The following SLX4 variants were observed in gnomAD, a reference collection of about 807,000 sequenced individuals.
SLX4 encodes the protein SLX4 structure-specific endonuclease subunit, also known as structure-specific endonuclease subunit SLX4.
A neutral mutation model predicts 146.2 loss-of-function variants in SLX4; 112 were observed. The ratio of observed to expected loss-of-function variants is 0.77; its 90% confidence interval spans 0.66 to 0.90. SLX4 has a LOEUF of 0.90. Ranked by LOEUF, SLX4 falls within the 40% of genes least tolerant of loss-of-function variation. The pLI, the probability that SLX4 is intolerant of heterozygous loss-of-function variation, is 0.00. For synonymous variants in SLX4, 1,061 were observed against 997.7 expected (o/e 1.06, Z -1.20); for missense variants, 2,563 against 2,392.7 (o/e 1.07, Z -1.49).
At chr16:3,584,714 T>C in intron 13 of SLX4, 55 bp downstream of exon 13, 1 of 1,364,562 alleles carries the variant, frequency 7.3e-7, no homozygotes, top group South Asian at 1.2e-5. Context: ...TGAAACCCAG[T>C]TACTTATGGG....
chr16:3,595,742 C>A (rs765077410), intron 8 of SLX4, 49 bp from the exon 9 acceptor site: 37 of 1,599,956 alleles, frequency 2.3e-5, no homozygotes, highest in Non-Finnish European at 3.1e-5. Flanking sequence ...CCAGCCACAT[C>A]CACCACCAAG....
At position 3,583,107 on chromosome 16, in the gene SLX4, T is replaced by C. The variant is rs2151116429; in HGVS notation, c.5143A>G (p.Ser1715Gly). 3 of 1,614,238 alleles carry C rather than the reference T, an allele frequency of 1.9e-6. No individual in the cohort carries two copies. Among genetic ancestry groups the C allele is most frequent in the African/African-American group, 1.3e-5 (1 of 75,056 alleles). Residue 1715 changes from serine (S) to glycine (G), a missense_variant, in exon 14 of 15, where the codon AGC becomes GGC. Transcript: ENST00000294008. ...CATCCATCCGGTTACCTCTGTGAGC[T>C]CAAGGAGCTGTCACTGCCATCCACA... is the stretch of plus-strand genomic sequence containing the variant. ...TSVDGSDSSLSSQSSSSCEFG... is the reference protein window; with the variant it reads ...TSVDGSDSSLGSQSSSSCEFG...
intron 5 of SLX4, among the ~76,000 whole-genome samples, chr16:3,598,745 T>C (rs2040695194): frequency 6.6e-6 from 1 of 152,212 alleles, no homozygotes; most frequent in Non-Finnish European, 1.5e-5. Context: ...GTGCCAGGGA[T>C]GGCTCAAGTT....
In SLX4 at chr16:3,609,232, C is replaced by T; in HGVS notation, c.-268G>A. On this transcript the variant is annotated 5_prime_UTR_variant, in exon 2 of 15. Coordinates refer to ENST00000294008, the MANE Select transcript of SLX4 (RefSeq NM_032444.4). ...GACCAGCCTGGCCAATATGGTGAAA[C>T]CTCGTTTCAACTGAAAATACAAAAA... The T allele has an allele frequency of 2.6e-6, 1 of 391,688 alleles. No homozygotes were observed. Among genetic ancestry groups the T allele is most frequent in the Non-Finnish European group, 4.8e-6 (1 of 207,642 alleles). The allele number at this position is 391,688 out of a possible 1,614,324, so 24.3% of individuals were successfully genotyped here. A position where few individuals can be genotyped will look rare whatever the true frequency, so the allele number is the denominator to read the frequency against.
At position 3,584,754 on chromosome 16, in the gene SLX4, T is replaced by C. The variant is rs777388509; in HGVS notation, c.4739+15A>G. The C allele has an allele frequency of 1.9e-6, 3 of 1,599,922 alleles. No individual in the cohort carries two copies. The East Asian group carries it at 6.7e-5, about 36-fold the overall frequency. ...AAAAGACCACTGTGGGCAACAAGCT[T>C]TGAAGACCGCCAACCTATCCAGTTC... is the stretch of plus-strand genomic sequence containing the variant. On this transcript the variant is annotated intron_variant, in intron 13 of 14. Transcript: ENST00000294008.
At position 3,588,772 on chromosome 16, in the gene SLX4, A is replaced by G. The variant is rs114388400; in HGVS notation, c.4636+230T>C. Among the ~76,000 whole-genome samples, 336 of 152,182 alleles carry G rather than the reference A, an allele frequency of 2.2e-3. 2 individuals carry two copies. The highest frequency in any genetic ancestry group is 7.7e-3 in the African/African-American group (318 of 41,506). Reference sequence around the variant, plus strand: ...TAACACATGCCCAGGTGAGCACTGGAGCCAGGCAAGTTTGGGAAACACTGA... The same window carrying G: ...TAACACATGCCCAGGTGAGCACTGGGGCCAGGCAAGTTTGGGAAACACTGA... On this transcript the variant is annotated intron_variant, in intron 12 of 14. Coordinates refer to ENST00000294008, the MANE Select transcript of SLX4 (RefSeq NM_032444.4).
chr16:3,584,346 G>A lies in SLX4; in HGVS notation c.4739+423C>T, dbSNP rs1042175489. On this transcript the variant is annotated intron_variant, in intron 13 of 14. Transcript: ENST00000294008. ...TGAGTCAGGAGAATCGCTTGAACCC[G>A]GGAGGTGGAGGTTGCAGTGAGCCGG... Among the ~76,000 whole-genome samples, 10 of 151,762 alleles carry A rather than the reference G, an allele frequency of 6.6e-5. No homozygotes were observed. The East Asian group carries it at 1.2e-3, about 18-fold the overall frequency.
Position 3,583,302 on chromosome 16 carries a change from C to T in SLX4, c.4948G>A (p.Gly1650Arg), listed in dbSNP as rs770344772. The stretch of plus-strand genomic sequence containing the variant: ...CCCTTGGGCCTATGGGCCCCAGGTC[C>T]TGTGGTGGCCTCCTGCTGGGCATGG... ...GVHAQQEATT[G>R]PGAHRPKGPA... The change falls in exon 14 of 15, where the codon GGA (glycine) becomes AGA (arginine). Residue 1650 changes from glycine (G) to arginine (R), a missense_variant. Transcript: ENST00000294008. 6.2e-7 allele frequency: 1 copy of T among 1,614,168 alleles called. No individual in the cohort carries two copies. Among genetic ancestry groups the T allele is most frequent in the Non-Finnish European group, 8.5e-7 (1 of 1,180,022 alleles).
chr16:3,582,824 G>T, intron 14 of SLX4, 131 bp from the exon 15 acceptor site: 2 of 930,650 alleles, frequency 2.1e-6, no homozygotes, highest in South Asian at 1.4e-5. Context: ...CCCCAGCAAG[G>T]CAGGACGGGC....
At chr16:3,588,718 C>G (rs1043979182) in intron 12 of SLX4, among the ~76,000 whole-genome samples, 1 of 152,158 alleles carries the variant, frequency 6.6e-6, no homozygotes, top group African/African-American at 2.4e-5. Context: ...GCTCCGTGTT[C>G]TGGAGAAGGG....
chr16:3,591,342 C>T (rs200012973), intron 11 of SLX4, 32 bp from the exon 12 acceptor site: 39 of 1,605,620 alleles, frequency 2.4e-5, no homozygotes, highest in Non-Finnish European at 3.2e-5. Flanking sequence ...GTCATCGCCC[C>T]TCTGCGTGGA....
In SLX4 at chr16:3,589,766, G is replaced by C; in HGVS notation, c.3872C>G (p.Thr1291Arg). Residue 1291 changes from threonine (T) to arginine (R), a missense_variant, in exon 12 of 15, where the codon ACG becomes AGG. Coordinates refer to ENST00000294008, the MANE Select transcript of SLX4 (RefSeq NM_032444.4). The surrounding 1 kb of genome is among the most constrained non-coding windows in gnomAD (Gnocchi z 6.2). Reference protein sequence around the residue: ...GLAVQAVTQHTPRASVGNREG... With the variant: ...GLAVQAVTQHRPRASVGNREG... ...CCTGTTTCCTACTGAGGCCCTGGGC[G>C]TGTGCTGAGTCACCGCCTGCACGGC... The C allele has an allele frequency of 6.2e-7, 1 of 1,613,698 alleles. No homozygotes were observed. The highest frequency in any genetic ancestry group is 8.5e-7 in the Non-Finnish European group (1 of 1,180,032).
At chr16:3,602,676 C>A (rs898078441) in intron 3 of SLX4, among the ~76,000 whole-genome samples, 1 of 152,234 alleles carries the variant, frequency 6.6e-6, no homozygotes, top group Non-Finnish European at 1.5e-5. Context: ...AACTTTCCCA[C>A]TTCTGCTGAA....
At position 3,594,062 on chromosome 16, in the gene SLX4, C is replaced by CA. The variant is rs547714552; in HGVS notation, c.2160+390_2160+391insT. ...AATTTTTTTGTATTTTTAGTAGAGACTGGTTTCACTGTGTTAGGATGGTCT... is the reference window on the plus strand; with the variant it reads ...AATTTTTTTGTATTTTTAGTAGAGACATGGTTTCACTGTGTTAGGATGGTCT... On this transcript the variant is annotated intron_variant, in intron 10 of 14. Transcript: ENST00000294008. Among the ~76,000 whole-genome samples, 398 of 152,110 alleles carry CA rather than the reference C, an allele frequency of 2.6e-3. 2 individuals are homozygous for CA. The highest frequency in any genetic ancestry group is 4.9e-3 in the Non-Finnish European group (334 of 67,996).
In SLX4 at chr16:3,581,305, C is replaced by T. The variant is rs916376322; in HGVS notation, c.*1037G>A. 5 of 152,760 alleles carry T rather than the reference C, an allele frequency of 3.3e-5. No homozygotes were observed. The highest frequency in any genetic ancestry group is 7.3e-5 in the Non-Finnish European group (5 of 68,106). 9.5% of individuals were successfully genotyped at this position (152,760 alleles called of 1,614,324 possible). On this transcript the variant is annotated 3_prime_UTR_variant, in exon 15 of 15. Transcript: ENST00000294008. ...TTCCTTCTTTCCTGGCCCTCATCTT[C>T]CTCCACACTGCTCCTGAGGCTGGAG...
At chr16:3,592,587 G>T in intron 11 of SLX4, 112 bp downstream of exon 11, 8 of 1,248,902 alleles carry the variant, frequency 6.4e-6, no homozygotes, top group Non-Finnish European at 9.1e-6. Flanking sequence ...GTATAAACAG[G>T]ACTGTTAGTT....
At chr16:3,585,923 A>C (rs1228126765) in intron 12 of SLX4, among the ~76,000 whole-genome samples, 1 of 151,736 alleles carries the variant, frequency 6.6e-6, no homozygotes, top group Non-Finnish European at 1.5e-5. Context: ...GGATCACCTG[A>C]GCCAGGAAGG....
At chr16:3,588,003 G>A (rs925692023) in intron 12 of SLX4, among the ~76,000 whole-genome samples, 2 of 152,288 alleles carry the variant, frequency 1.3e-5, no homozygotes, top group Middle Eastern at 3.4e-3. Flanking sequence ...GAGCAGGGAG[G>A]TGGCATCCCT....
chr16:3,595,789 G>T, intron 8 of SLX4, 96 bp from the exon 9 acceptor site: 2 of 1,415,424 alleles, frequency 1.4e-6, no homozygotes, highest in Non-Finnish European at 2.0e-6. Context: ...CAGCCCCTGC[G>T]GTGCCTCGGA....
Sources: gnomAD v4.1 joint callset for allele counts (sites outside exome capture counted in the v4.1 genomes callset) on GRCh38, gnomAD v4.1.1 for gene constraint, Gnocchi (gnomAD v3.1) non-coding constraint, MANE v1.5 for transcripts, NCBI Gene and HGNC (gene_info 2026-07-23, HGNC 2026-07-21) for gene names.